The following MEGF11 variants were observed in gnomAD, a reference collection of about 807,000 sequenced individuals.
MEGF11 encodes the protein multiple epidermal growth factor-like domains protein 11.
MEGF11 carries 126 observed loss-of-function variants against 146.6 expected under a neutral mutation model. The observed-to-expected ratio is 0.86, with a 90% confidence interval of 0.74 to 1.00. The LOEUF is 1.00. Ranked by LOEUF, MEGF11 falls within the 50% of genes least tolerant of loss-of-function variation. The probability of loss-of-function intolerance (pLI) is 0.00; values close to 1 mark genes in which losing one functional copy is unlikely to be tolerated. For synonymous variants in MEGF11, 532 were observed against 583.4 expected, an observed-to-expected ratio of 0.91 and a Z score of 1.27; for missense variants, 1,509 against 1,521.2, an observed-to-expected ratio of 0.99 and a Z score of 0.13.
chr15:66,077,139 G>T (rs967486650), intron 5 of MEGF11, among the ~76,000 whole-genome samples: 1 of 152,118 alleles, frequency 6.6e-6, no homozygotes, highest in Admixed American at 6.5e-5. Context: ...CATGCCACCT[G>T]CCCTGGCCCA....
intron 10 of MEGF11, 30 bp downstream of exon 10, chr15:65,957,517 G>A (rs2080698186): frequency 6.2e-7 from 1 of 1,603,216 alleles, no homozygotes; most frequent in Non-Finnish European, 8.5e-7. Flanking sequence ...TGGAGGTCAG[G>A]AAGGCCACGG....
intron 5 of MEGF11, among the ~76,000 whole-genome samples, chr15:66,046,750 A>G (rs1405957804): frequency 6.6e-6 from 1 of 152,186 alleles, no homozygotes; most frequent in Non-Finnish European, 1.5e-5. Flanking sequence ...ATACCCAGCC[A>G]AGCCTGACTT....
chr15:66,132,437 G>T (rs60223444), intron 1 of MEGF11, among the ~76,000 whole-genome samples: 7,905 of 152,314 alleles, frequency 0.052, 301 homozygotes, highest in East Asian at 0.22. Flanking sequence ...CTTGGACGCT[G>T]GAGCCTGGAG....
At position 65,916,539 on chromosome 15, in the gene MEGF11, C is replaced by T. The variant is rs116439658; in HGVS notation, c.2216-263G>A. 1.9e-3 allele frequency: 1,221 copies of T among 655,082 alleles called. 14 individuals are homozygous for T. The African/African-American group carries it at 0.019, about 10-fold the overall frequency. 40.6% of individuals were successfully genotyped at this position (655,082 alleles called of 1,614,324 possible). On this transcript the variant is annotated intron_variant, in intron 17 of 25. Transcript: ENST00000395614. ...CTTCCTGTGTGGACACAGGCTGCTC[C>T]TCCCCACTCTGGGCCCCACTGTCCA...
At chr15:66,100,806 T>C (rs866283569) in intron 4 of MEGF11, among the ~76,000 whole-genome samples, 4 of 132,598 alleles carry the variant, frequency 3.0e-5, no homozygotes, top group African/African-American at 5.7e-5. Context: ...AACAACCTGA[T>C]GGCAGGAAAG....
intron 5 of MEGF11, among the ~76,000 whole-genome samples, chr15:66,033,397 C>T (rs1330285639): frequency 2.0e-5 from 3 of 152,250 alleles, no homozygotes; most frequent in East Asian, 1.9e-4. Context: ...AGGGTCTCTG[C>T]TCCCTGAATT....
intron 1 of MEGF11, among the ~76,000 whole-genome samples, chr15:66,134,176 T>A (rs570809559): frequency 1.1e-4 from 16 of 152,134 alleles, no homozygotes; most frequent in African/African-American, 3.9e-4. Flanking sequence ...CAGCCTACCC[T>A]GGAGCAGAGC....
At chr15:65,902,610 G>GC (rs911915684) in intron 24 of MEGF11, 3 of 152,180 alleles carry the variant, frequency 2.0e-5, no homozygotes, top group African/African-American at 7.2e-5. Flanking sequence ...TCCTTTCATA[G>GC]CCCCACCCCT....
At chr15:66,214,446 A>G (rs543792268) in intron 1 of MEGF11, among the ~76,000 whole-genome samples, 124 of 152,148 alleles carry the variant, frequency 8.1e-4, no homozygotes, top group African/African-American at 2.9e-3. Context: ...AATGACTCTC[A>G]CGATGTGATC....
At chr15:66,188,596 G>A (rs1260573505) in intron 1 of MEGF11, among the ~76,000 whole-genome samples, 4 of 152,198 alleles carry the variant, frequency 2.6e-5, no homozygotes, top group Non-Finnish European at 4.4e-5. Flanking sequence ...GGGGACCCCA[G>A]GGCCCAGAGG....
chr15:65,970,848 G>C, intron 7 of MEGF11, 159 bp from the exon 8 acceptor site: 2 of 768,926 alleles, frequency 2.6e-6, no homozygotes, highest in East Asian at 5.4e-5. Context: ...TTAGAGATGG[G>C]AGATGGGAGA....
Position 66,123,920 on chromosome 15 carries a change from C to T in MEGF11, c.179G>A (p.Trp60Ter), listed in dbSNP as rs1395581630. The change falls in exon 3 of 26, where the codon TGG becomes TAG. Residue 60 changes from tryptophan to a stop codon, truncating the protein, a stop_gained. Coordinates refer to ENST00000395614, the MANE Select transcript of MEGF11 (RefSeq NM_001385028.1). LOFTEE classifies it high-confidence loss of function. ...YYTRCTDILN[W>*]FKCTRHRISY... is the part of the protein sequence containing the mutation. ...TCACCGGTGCCTGGTGCACTTGAAC[C>T]AGTTGAGGATGTCTGTGCATCGTGT... The T allele has an allele frequency of 1.9e-6, 3 of 1,613,850 alleles. No homozygotes were observed. The highest frequency in any genetic ancestry group is 2.7e-5 in the African/African-American group (2 of 74,920).
intron 1 of MEGF11, among the ~76,000 whole-genome samples, chr15:66,234,267 C>T (rs1361782571): frequency 2.6e-5 from 4 of 152,188 alleles, no homozygotes; most frequent in South Asian, 4.1e-4. Flanking sequence ...GGCGCTATTG[C>T]GAGGATGTGC....
At chr15:66,108,764 C>T (rs142758255) in intron 4 of MEGF11, among the ~76,000 whole-genome samples, 73 of 152,288 alleles carry the variant, frequency 4.8e-4, no homozygotes, top group Middle Eastern at 3.4e-3. Flanking sequence ...AAGCAGCTAA[C>T]GCCCAACAAG....
At chr15:66,142,297 G>A (rs2089198731) in intron 1 of MEGF11, among the ~76,000 whole-genome samples, 1 of 152,200 alleles carries the variant, frequency 6.6e-6, no homozygotes, top group Admixed American at 6.5e-5. Flanking sequence ...GTGGAATTCT[G>A]CTACCACTTC....
At chr15:65,998,520 C>T (rs933857235) in intron 5 of MEGF11, among the ~76,000 whole-genome samples, 2 of 152,120 alleles carry the variant, frequency 1.3e-5, no homozygotes, top group Non-Finnish European at 2.9e-5. Context: ...CAGCGGAGGC[C>T]TCACTAAATA....
In MEGF11 at chr15:66,073,779, C is replaced by T. The variant is rs542186534; in HGVS notation, c.394+20623G>A. Among the ~76,000 whole-genome samples the T allele has an allele frequency of 2.0e-5, 3 of 152,282 alleles. No homozygotes were observed. In the South Asian group the frequency reaches 6.2e-4, roughly 32 times the overall value. ...TAATATCTTCCCCTTCCTTGCTGCC[C>T]AACCCACACCTCACACCTGGTATTG... On this transcript the variant is annotated intron_variant, in intron 5 of 25. Coordinates refer to ENST00000395614, the MANE Select transcript of MEGF11 (RefSeq NM_001385028.1).
intron 1 of MEGF11, among the ~76,000 whole-genome samples, chr15:66,181,282 A>T (rs894594516): frequency 2.6e-5 from 4 of 152,120 alleles, no homozygotes; most frequent in Non-Finnish European, 5.9e-5. Flanking sequence ...GTCGCCCAGG[A>T]TCTGGAGTGC....
At chr15:65,912,537 T>C (rs2078848197) in intron 20 of MEGF11, 3 of 174,364 alleles carry the variant, frequency 1.7e-5, no homozygotes, top group Admixed American at 6.3e-5. Context: ...TGGACTCACC[T>C]GCTTCCTTCT....
Sources: gnomAD v4.1 joint callset for allele counts (sites outside exome capture counted in the v4.1 genomes callset) on GRCh38, gnomAD v4.1.1 for gene constraint, MANE v1.5 for transcripts, NCBI Gene and HGNC (gene_info 2026-07-23, HGNC 2026-07-21) for gene names.